Variants in NTRK2 observed in about 807,000 individuals in gnomAD.
NTRK2 encodes the protein BDNF/NT-3 growth factors receptor.
NTRK2 carries 13 observed loss-of-function variants against 94.5 expected under a neutral mutation model. The ratio of observed to expected loss-of-function variants is 0.14; its 90% CI spans 0.09 to 0.22. The LOEUF is 0.22. Ranked by LOEUF, NTRK2 falls within the 10% of genes least tolerant of loss-of-function variation. The pLI is 1.00. For missense variants in NTRK2, 639 were observed against 1,071.2 expected, an observed-to-expected ratio of 0.60 and a Z score of 5.63; for synonymous variants, 372 against 407.4, an observed-to-expected ratio of 0.91 and a Z score of 1.05.
chr9:84,772,272 G>A (rs1281258170), intron 12 of NTRK2, among the ~76,000 whole-genome samples: 1 of 151,382 alleles, frequency 6.6e-6, no homozygotes, highest in East Asian at 1.9e-4. Flanking sequence ...TTTTTTTTGA[G>A]ACAGAGTCTC....
intron 12 of NTRK2, among the ~76,000 whole-genome samples, chr9:84,802,938 T>C (rs1422858089): frequency 6.6e-6 from 1 of 152,182 alleles, no homozygotes; most frequent in Non-Finnish European, 1.5e-5. Context: ...TCTGCCCTTA[T>C]AAACCTTGCT....
At chr9:84,743,918 A>AT (rs1225658461) in intron 10 of NTRK2, among the ~76,000 whole-genome samples, 3 of 152,176 alleles carry the variant, frequency 2.0e-5, no homozygotes, top group African/African-American at 4.8e-5. Flanking sequence ...TAGAAAATAG[A>AT]TTTTTTTCTG....
intron 14 of NTRK2, among the ~76,000 whole-genome samples, chr9:84,882,217 C>T (rs2076275034): frequency 6.6e-6 from 1 of 152,132 alleles, no homozygotes; most frequent in Non-Finnish European, 1.5e-5. Flanking sequence ...CACACACTGA[C>T]CCACAATGGA....
intron 17 of NTRK2, among the ~76,000 whole-genome samples, chr9:84,963,940 T>A (rs570766800): frequency 2.0e-5 from 3 of 152,358 alleles, no homozygotes; most frequent in African/African-American, 7.2e-5. Context: ...GGAAGTTCAA[T>A]ATGGGCCTTT....
intron 7 of NTRK2, among the ~76,000 whole-genome samples, chr9:84,723,920 C>T (rs1370950504): frequency 1.3e-5 from 2 of 152,224 alleles, no homozygotes; most frequent in South Asian, 2.1e-4. Flanking sequence ...CCTAAGAGAG[C>T]GAGGAGTCTC....
chr9:84,925,123 A>C (rs1587947856), intron 14 of NTRK2, among the ~76,000 whole-genome samples: 1 of 146,022 alleles, frequency 6.8e-6, no homozygotes, highest in Admixed American at 6.8e-5. Context: ...CTGTGCCCCC[A>C]CCCCACTGCC....
At chr9:84,730,769 A>AG (rs2062811164) in intron 9 of NTRK2, among the ~76,000 whole-genome samples, 1 of 106,934 alleles carries the variant, frequency 9.4e-6, no homozygotes, top group Admixed American at 1.0e-4. Context: ...AACTAAAGAA[A>AG]AATAAACAAA....
chr9:84,734,627 C>T (rs1478773063), intron 9 of NTRK2, among the ~76,000 whole-genome samples: 1 of 152,142 alleles, frequency 6.6e-6, no homozygotes, highest in East Asian at 1.9e-4. Context: ...GTGCTGTTCT[C>T]ATGACAGTGA....
chr9:84,940,884 A>C (rs1564484864), intron 15 of NTRK2, among the ~76,000 whole-genome samples: 1 of 152,002 alleles, frequency 6.6e-6, no homozygotes, highest in Non-Finnish European at 1.5e-5. Context: ...TCACGTCTTC[A>C]TTAATTGTGA....
intron 17 of NTRK2, among the ~76,000 whole-genome samples, chr9:84,978,883 C>T (rs767412801): frequency 2.0e-5 from 3 of 152,188 alleles, no homozygotes; most frequent in Non-Finnish European, 4.4e-5. Context: ...TCTGCCCATG[C>T]TCTATAAATG....
chr9:84,912,635 A>G (rs1157455483), intron 14 of NTRK2, among the ~76,000 whole-genome samples: 3 of 20,052 alleles, frequency 1.5e-4, no homozygotes, highest in Non-Finnish European at 3.0e-4. Context: ...TTTTTTTTTT[A>G]TGAGATGGAG....
At chr9:84,699,062 A>T (rs2060562512) in intron 2 of NTRK2, among the ~76,000 whole-genome samples, 1 of 146,676 alleles carries the variant, frequency 6.8e-6, no homozygotes, top group Non-Finnish European at 1.5e-5. Flanking sequence ...TTTGAGACGG[A>T]GTCTTGCACT....
At chr9:84,705,346 G>A (rs2060980521) in intron 4 of NTRK2, among the ~76,000 whole-genome samples, 1 of 152,182 alleles carries the variant, frequency 6.6e-6, no homozygotes, top group South Asian at 2.1e-4. Context: ...GTGTTTTCCA[G>A]GGACTTTGCA....
At chr9:84,753,117 T>C (rs541775144) in intron 12 of NTRK2, among the ~76,000 whole-genome samples, 1 of 152,308 alleles carries the variant, frequency 6.6e-6, no homozygotes, top group East Asian at 1.9e-4. Context: ...CCTGTGAACA[T>C]TTCTAAGCCA....
intron 15 of NTRK2, among the ~76,000 whole-genome samples, chr9:84,944,304 C>T (rs553101134): frequency 2.0e-5 from 3 of 149,980 alleles, no homozygotes; most frequent in African/African-American, 7.4e-5. Flanking sequence ...GCTCTGTTGC[C>T]CAGGCTGGAG....
At chr9:84,777,067 G>A (rs981070024) in intron 12 of NTRK2, among the ~76,000 whole-genome samples, 2 of 152,122 alleles carry the variant, frequency 1.3e-5, no homozygotes, top group African/African-American at 2.4e-5. Context: ...CTAATACCTA[G>A]ATTGTACTCA....
chr9:84,872,253 A>G, intron 14 of NTRK2: 1 of 1,126,442 alleles, frequency 8.9e-7, no homozygotes, highest in Non-Finnish European at 1.1e-6. Flanking sequence ...ACTGCTGAGA[A>G]ACTTTTTGAC....
At chr9:84,725,999 A>G (rs2062425378) in intron 8 of NTRK2, among the ~76,000 whole-genome samples, 1 of 152,100 alleles carries the variant, frequency 6.6e-6, no homozygotes, top group Non-Finnish European at 1.5e-5. Flanking sequence ...GCTTCTTCCT[A>G]GGTAGTACTG....
chr9:84,775,269 G>C (rs1407671369), intron 12 of NTRK2, among the ~76,000 whole-genome samples: 1 of 152,200 alleles, frequency 6.6e-6, no homozygotes, highest in Admixed American at 6.5e-5. Flanking sequence ...GCTTTCCTTG[G>C]CTCCCACAGC....
Sources: allele counts gnomAD v4.1 joint callset (sites outside exome capture counted in the v4.1 genomes callset), GRCh38; gene constraint gnomAD v4.1.1; transcripts MANE v1.5; gene names NCBI Gene and HGNC (gene_info 2026-07-23, HGNC 2026-07-21).